MLXIP: variants seen among roughly 807,000 people sequenced by gnomAD.
MLXIP encodes the protein MLX-interacting protein.
MLXIP carries 30 observed loss-of-function variants against 87.2 expected under a neutral mutation model. That is an observed-to-expected ratio of 0.34 (90% CI 0.26 to 0.47). The LOEUF (loss-of-function observed/expected upper bound fraction) is 0.47, where lower values mean the gene tolerates loss of function less well. Ranked by LOEUF, MLXIP falls within the 20% of genes least tolerant of loss-of-function variation. The pLI is 1.00. For synonymous variants in MLXIP, 530 were observed against 514.0 expected, an observed-to-expected ratio of 1.03 and a Z score of -0.42; for missense variants, 1,002 against 1,240.1, an observed-to-expected ratio of 0.81 and a Z score of 2.88.
At chr12:122,098,930 G>A (rs1198209647) in intron 1 of MLXIP, among the ~76,000 whole-genome samples, 1 of 152,228 alleles carries the variant, frequency 6.6e-6, no homozygotes, top group African/African-American at 2.4e-5. Context: ...CAGCGTCTTA[G>A]GACAGTGAGT....
At chr12:122,126,776 GACCC>G (rs1291263583) in intron 1 of MLXIP, among the ~76,000 whole-genome samples, 1 of 152,210 alleles carries the variant, frequency 6.6e-6, no homozygotes, top group Non-Finnish European at 1.5e-5. Context: ...GTTGCTGTGT[GACCC>G]ATGACTGCCC....
At position 122,121,010 on chromosome 12, in the gene MLXIP, G is replaced by GTTTTTTTTTTTTTTTTTTTTTTTTTTTTT. The variant is rs1233404015; in HGVS notation, c.414-6228_414-6227insTTTTTTTTTTTTTTTTTTTTTTTTTTTTT. Reference sequence around the variant, plus strand: ...AGCCCCAGAGCCCTCTGCATGCTTGGTTTTTTTTTTTTTTTTTTGAAACGG... The same window carrying GTTTTTTTTTTTTTTTTTTTTTTTTTTTTT: ...AGCCCCAGAGCCCTCTGCATGCTTGGTTTTTTTTTTTTTTTTTTTTTTTTTTTTTTTTTTTTTTTTTTTTTTTGAAACGG... On this transcript the variant is annotated intron_variant, in intron 1 of 16. Coordinates refer to ENST00000319080, the MANE Select transcript of MLXIP (RefSeq NM_014938.6). Among the ~76,000 whole-genome samples, 48 of 111,890 alleles carry GTTTTTTTTTTTTTTTTTTTTTTTTTTTTT rather than the reference G, an allele frequency of 4.3e-4. 3 individuals are homozygous for GTTTTTTTTTTTTTTTTTTTTTTTTTTTTT. Among genetic ancestry groups the GTTTTTTTTTTTTTTTTTTTTTTTTTTTTT allele is most frequent in the East Asian group, 2.9e-3 (9 of 3,128 alleles). 73.4% of individuals were successfully genotyped at this position (111,890 alleles called of 152,430 possible).
chr12:122,126,924 C>A (rs779521924), intron 1 of MLXIP, among the ~76,000 whole-genome samples: 16 of 152,182 alleles, frequency 1.1e-4, no homozygotes, highest in Non-Finnish European at 2.2e-4. Context: ...GCCCAGTGTT[C>A]AGTTTGTTAG....
intron 11 of MLXIP, chr12:122,136,453 A>G (rs1953092304): frequency 1.5e-5 from 2 of 136,510 alleles, no homozygotes; most frequent in South Asian, 4.7e-4. Context: ...TCCCTATCAA[A>G]AAATGCAAAA....
chr12:122,081,205 C>T (rs1952086581), intron 1 of MLXIP, among the ~76,000 whole-genome samples: 1 of 152,170 alleles, frequency 6.6e-6, no homozygotes, highest in Non-Finnish European at 1.5e-5. Context: ...TCTTGGCTCT[C>T]TCACTTTCGC....
chr12:122,133,362 G>A lies in MLXIP; in HGVS notation c.1107G>A (p.Pro369=), dbSNP rs1325267985. The change falls in exon 9 of 17, where the codon CCG becomes CCA. Residue 369 remains proline (P), a synonymous_variant. Transcript: ENST00000319080. This position sits in a 1 kb window ranked among gnomAD's most constrained non-coding sequence, Gnocchi z 4.9. ...TCCTTTTTCAGGAGAGCATCCTGCC[G>A]ACCACAGCCCTCCCCACTGTGAGCC... ...NNPPAQESIL[P]TTALPTVSLP... is the part of the protein sequence containing the mutation. The A allele has an allele frequency of 1.9e-6, 3 of 1,565,938 alleles. No individual in the cohort carries two copies. Among genetic ancestry groups the A allele is most frequent in the African/African-American group, 1.4e-5 (1 of 73,610 alleles).
chr12:122,130,505 G>GGT (rs1200058377), intron 6 of MLXIP, among the ~76,000 whole-genome samples: 1 of 151,456 alleles, frequency 6.6e-6, no homozygotes, highest in Non-Finnish European at 1.5e-5. Context: ...CGCTCACCTT[G>GGT]GTGGCATTCA....
At chr12:122,123,806 C>T (rs990235148) in intron 1 of MLXIP, among the ~76,000 whole-genome samples, 4 of 152,194 alleles carry the variant, frequency 2.6e-5, no homozygotes, top group Non-Finnish European at 2.9e-5. Context: ...CTCAAGCGAC[C>T]TTCCTGCCTC....
rs1350391772 is a variant in MLXIP at position 122,093,992 on chromosome 12, G to A, written c.413+14726G>A. Among the ~76,000 whole-genome samples, 15 of 144,172 alleles carry A rather than the reference G, an allele frequency of 1.0e-4. No individual in the cohort carries two copies. In the East Asian group the frequency reaches 1.7e-3, roughly 16 times the overall value. 94.6% of individuals were successfully genotyped at this position (144,172 alleles called of 152,430 possible). ...GTGTGTGTGGTGTGTGTGTGTTTGC[G>A]GTGTCTGGTGTGGTGTGTGTGCAGG... On this transcript the variant is annotated intron_variant, in intron 1 of 16. Transcript: ENST00000319080.
At chr12:122,107,413 T>A (rs1332982430) in intron 1 of MLXIP, among the ~76,000 whole-genome samples, 1 of 152,088 alleles carries the variant, frequency 6.6e-6, no homozygotes. Context: ...GTTCCCCCTC[T>A]TCCCATCCAG....
intron 1 of MLXIP, among the ~76,000 whole-genome samples, chr12:122,089,682 C>T (rs932120228): frequency 3.3e-5 from 5 of 152,186 alleles, no homozygotes; most frequent in African/African-American, 1.2e-4. Flanking sequence ...ATTCCATCAC[C>T]TCAGTAAGAT....
At position 122,138,454 on chromosome 12, in the gene MLXIP, G is replaced by C; in HGVS notation, c.2287G>C (p.Val763Leu). 1 of 1,613,930 alleles carries C rather than the reference G, an allele frequency of 6.2e-7. No homozygotes were observed. Among genetic ancestry groups the C allele is most frequent in the Non-Finnish European group, 8.5e-7 (1 of 1,179,884 alleles). ...TCACGCCATCACACTGCAGAAGACT[G>C]TGGAGTACATCACCAAGCTGCAGCA... is the stretch of plus-strand genomic sequence containing the variant. The part of the protein sequence containing the change: ...TSHAITLQKT[V>L]EYITKLQQER... The change falls in exon 14 of 17, where the codon GTG (valine) becomes CTG (leucine). Residue 763 changes from valine to leucine, a missense_variant. Val to Leu is a conservative substitution (Grantham distance 32). Around this residue, in one of 3 missense-constraint regions of MLXIP, gnomAD observed 746 missense variants for 897.0 expected, o/e 0.83. Transcript: ENST00000319080.
At position 122,129,440 on chromosome 12, in the gene MLXIP, G is replaced by A; in HGVS notation, c.697-148G>A. 2 of 998,252 alleles carry A rather than the reference G, an allele frequency of 2.0e-6. No homozygotes were observed. Among genetic ancestry groups the A allele is most frequent in the East Asian group, 5.2e-5 (2 of 38,274 alleles). The allele number at this position is 998,252 out of a possible 1,614,324, so 61.8% of individuals were successfully genotyped here. A position where few individuals can be genotyped will look rare whatever the true frequency, so the allele number is the denominator to read the frequency against. ...CTCTCAGTTTCCCCATCTGTGCACT[G>A]GGTGGAAGTCTCCTTTGTGCAGGCA... On this transcript the variant is annotated intron_variant, in intron 4 of 16. Transcript: ENST00000319080.
In MLXIP at chr12:122,133,115, G is replaced by T; in HGVS notation, c.1093-233G>T. On this transcript the variant is annotated intron_variant, in intron 8 of 16. Transcript: ENST00000319080. This position sits in a 1 kb window ranked among gnomAD's most constrained non-coding sequence, Gnocchi z 4.9. ...CAGGCTGCTAGCCAGCTGTGTGAGG[G>T]CCGTTGCCTTATCTGAGCTCTGAGT... 4.4e-6 allele frequency: 2 copies of T among 458,244 alleles called. No homozygotes were observed. The highest frequency in any genetic ancestry group is 7.6e-6 in the Non-Finnish European group (2 of 262,862). 28.4% of individuals were successfully genotyped at this position (458,244 alleles called of 1,614,324 possible). A position where few individuals can be genotyped will look rare whatever the true frequency, so the allele number is the denominator to read the frequency against.
At chr12:122,117,032 G>A (rs1425334065) in intron 1 of MLXIP, among the ~76,000 whole-genome samples, 1 of 152,104 alleles carries the variant, frequency 6.6e-6, no homozygotes, top group African/African-American at 2.4e-5. Context: ...TTTTTGGGTG[G>A]TCATGGAAAT....
In MLXIP at chr12:122,135,459, A is replaced by C. The variant is rs776804059; in HGVS notation, c.1855-30A>C. 3 of 1,609,028 alleles carry C rather than the reference A, an allele frequency of 1.9e-6. No individual in the cohort carries two copies. In the South Asian group the frequency reaches 3.3e-5, roughly 18 times the overall value. On this transcript the variant is annotated intron_variant, in intron 10 of 16. Coordinates refer to ENST00000319080, the MANE Select transcript of MLXIP (RefSeq NM_014938.6). The surrounding 1 kb of genome is among the most constrained non-coding windows in gnomAD (Gnocchi z 5.3). ...GCCGCCCTGCTGTATATCAGCAGTC[A>C]GGGGTGACCTGTCTCCCATGTCACT...
rs1201285947 is a variant in MLXIP at position 122,135,676 on chromosome 12, C to T, written c.2032+10C>T. 9 of 1,480,038 alleles carry T rather than the reference C, an allele frequency of 6.1e-6. No individual in the cohort carries two copies. The highest frequency in any genetic ancestry group is 1.4e-5 in the African/African-American group (1 of 71,202). The allele number at this position is 1,480,038 out of a possible 1,614,324, so 91.7% of individuals were successfully genotyped here. A position where few individuals can be genotyped will look rare whatever the true frequency, so the allele number is the denominator to read the frequency against. On this transcript the variant is annotated intron_variant, in intron 11 of 16. Coordinates refer to ENST00000319080, the MANE Select transcript of MLXIP (RefSeq NM_014938.6). This position sits in a 1 kb window ranked among gnomAD's most constrained non-coding sequence, Gnocchi z 5.3. ...ACTGTCACAGGGCCCAGTGAGTGTT[C>T]ACTCGGCGGGATGGTTGGGGCATCG...
chr12:122,119,788 A>G (rs1952751012), intron 1 of MLXIP, among the ~76,000 whole-genome samples: 1 of 152,142 alleles, frequency 6.6e-6, no homozygotes, highest in Non-Finnish European at 1.5e-5. Context: ...CCTTCTCTTC[A>G]CGTCTTTGTG....
intron 1 of MLXIP, among the ~76,000 whole-genome samples, chr12:122,091,545 A>T (rs149391474): frequency 6.6e-6 from 1 of 152,312 alleles, no homozygotes; most frequent in East Asian, 1.9e-4. Flanking sequence ...TTAAAAAAAC[A>T]ACAAAACAAA....
Sources: allele counts gnomAD v4.1 joint callset (sites outside exome capture counted in the v4.1 genomes callset), GRCh38; gene constraint gnomAD v4.1.1; regional missense constraint gnomAD v4.1.1; non-coding constraint Gnocchi (gnomAD v3.1); transcripts MANE v1.5; gene names NCBI Gene and HGNC (gene_info 2026-07-23, HGNC 2026-07-21).